TJAP1: variants seen among roughly 807,000 people sequenced by gnomAD.
TJAP1 encodes the protein tight junction associated protein 1.
In TJAP1, 27 loss-of-function variants were observed where a neutral mutation model predicts 42.0. The observed-to-expected ratio is 0.64, with a 90% confidence interval of 0.47 to 0.89. The LOEUF is 0.89. Among genes scored for constraint, TJAP1 ranks in the 40% least tolerant of loss-of-function variants. The probability of loss-of-function intolerance (pLI) is 0.00; values close to 1 mark genes in which losing one functional copy is unlikely to be tolerated. For synonymous variants in TJAP1, 257 were observed against 288.4 expected (o/e 0.89, Z 1.10); for missense variants, 712 against 726.9 (o/e 0.98, Z 0.24).
At chr6:43,485,558 A>G (rs1407852156) in intron 2 of TJAP1, among the ~76,000 whole-genome samples, 1 of 152,080 alleles carries the variant, frequency 6.6e-6, no homozygotes, top group Non-Finnish European at 1.5e-5. Flanking sequence ...TGGTCCTTAA[A>G]CCCTTGTCCC....
chr6:43,502,229 G>A (rs1791078598), intron 6 of TJAP1, 54 bp from the exon 7 acceptor site: 2 of 1,587,860 alleles, frequency 1.3e-6, no homozygotes, highest in South Asian at 1.1e-5. Flanking sequence ...GCTGAACAGA[G>A]CCTGAAGAAC....
chr6:43,483,717 T>G (rs1189077093), intron 2 of TJAP1, among the ~76,000 whole-genome samples: 1 of 152,208 alleles, frequency 6.6e-6, no homozygotes, highest in East Asian at 1.9e-4. Context: ...CTGTGCAACT[T>G]TGGGCAAGTT....
At chr6:43,480,730 G>T (rs1195171539) in intron 2 of TJAP1, among the ~76,000 whole-genome samples, 1 of 152,164 alleles carries the variant, frequency 6.6e-6, no homozygotes, top group Non-Finnish European at 1.5e-5. Flanking sequence ...TGGTCATGCT[G>T]GTGTCAAACT....
intron 4 of TJAP1, among the ~76,000 whole-genome samples, chr6:43,499,649 A>T (rs1254982532): frequency 6.6e-6 from 1 of 152,264 alleles, no homozygotes; most frequent in African/African-American, 2.4e-5. Flanking sequence ...GTCAGCTGCA[A>T]AACATTGGCT....
Position 43,502,632 on chromosome 6 carries a change from T to C in TJAP1, c.387+15T>C. On this transcript the variant is annotated intron_variant, in intron 8 of 10. Transcript: ENST00000372449. ...GGATTTTTGCAGTTGCGTCTGAGTT[T>C]GTGTGTCTTCTCCCTTGCCCTGGCC... The C allele has an allele frequency of 6.4e-7, 1 of 1,551,494 alleles. No homozygotes were observed. Among genetic ancestry groups the C allele is most frequent in the Non-Finnish European group, 8.7e-7 (1 of 1,146,722 alleles).
intron 2 of TJAP1, among the ~76,000 whole-genome samples, chr6:43,496,772 G>T (rs1789267808): frequency 6.6e-6 from 1 of 152,252 alleles, no homozygotes; most frequent in African/African-American, 2.4e-5. Flanking sequence ...GATGGGGGCG[G>T]GAAGAGATTG....
intron 2 of TJAP1, among the ~76,000 whole-genome samples, chr6:43,480,607 C>T (rs1785114860): frequency 1.3e-5 from 2 of 152,186 alleles, no homozygotes; most frequent in Admixed American, 6.5e-5. Flanking sequence ...CGCCGCCTCC[C>T]AGGTTGAAGT....
chr6:43,478,048 A>G (rs1038032085), intron 1 of TJAP1, 39 bp from the exon 2 acceptor site: 4 of 152,272 alleles, frequency 2.6e-5, no homozygotes, highest in African/African-American at 9.7e-5. Flanking sequence ...CAGATCTGCT[A>G]AGGAGGGAAC....
chr6:43,499,067 T>G, exon 4 of TJAP1: 2 of 1,613,958 alleles, frequency 1.2e-6, no homozygotes, highest in Non-Finnish European at 1.7e-6. Context: ...GGGAGCTGCG[T>G]TTGGAAATTC....
chr6:43,501,755 CACA>C (rs1790660678), intron 6 of TJAP1, 68 bp downstream of exon 6: 1 of 648,950 alleles, frequency 1.5e-6, no homozygotes, highest in Non-Finnish European at 2.8e-6. Flanking sequence ...CACACACACA[CACA>C]CTCTCTCTGT....
chr6:43,502,104 T>C (rs1029710669), intron 6 of TJAP1, among the ~76,000 whole-genome samples, 179 bp from the exon 7 acceptor site: 1 of 150,342 alleles, frequency 6.7e-6, no homozygotes, highest in Non-Finnish European at 1.5e-5. Context: ...TCTCTCTCTC[T>C]CTCTCTCCTT....
At chr6:43,503,691 C>T (rs1561828469) in exon 10 of TJAP1, 2 of 1,614,132 alleles carry the variant, frequency 1.2e-6, no homozygotes, top group East Asian at 2.2e-5. Flanking sequence ...ACTTCCGAAA[C>T]CACAAGTTTG....
At chr6:43,489,018 G>A (rs538499938) in intron 2 of TJAP1, among the ~76,000 whole-genome samples, 15 of 152,284 alleles carry the variant, frequency 9.9e-5, no homozygotes, top group African/African-American at 3.4e-4. Flanking sequence ...TCCTAGAACA[G>A]GAGAGAGGAC....
chr6:43,504,878 G>T (rs1393517601), exon 11 of TJAP1: 1 of 1,614,048 alleles, frequency 6.2e-7, no homozygotes, highest in Non-Finnish European at 8.5e-7. Flanking sequence ...CTCAGTCATT[G>T]CCCGAGTGTT....
exon 11 of TJAP1, chr6:43,506,459 C>T (rs1792385432): frequency 1.3e-5 from 2 of 152,776 alleles, no homozygotes; most frequent in Non-Finnish European, 2.9e-5. Flanking sequence ...GCCTGGCCCC[C>T]ACTCCCAACC....
intron 2 of TJAP1, among the ~76,000 whole-genome samples, chr6:43,479,050 A>G (rs1388905866): frequency 6.6e-6 from 1 of 152,198 alleles, no homozygotes; most frequent in African/African-American, 2.4e-5. Flanking sequence ...TCAGTAGCCA[A>G]ACTAAGCATG....
exon 4 of TJAP1, chr6:43,498,982 A>G (rs773516929): frequency 9.3e-6 from 15 of 1,612,716 alleles, no homozygotes; most frequent in Admixed American, 5.0e-5. Flanking sequence ...CAGCAGGCGG[A>G]GGAGCCGTCA....
chr6:43,491,185 G>A lies in TJAP1; in HGVS notation c.-121-6696G>A, dbSNP rs1047039567. 1.3e-5 allele frequency among the ~76,000 whole-genome samples: 2 copies of A among 152,110 alleles called. No homozygotes were observed. Among genetic ancestry groups the A allele is most frequent in the Non-Finnish European group, 2.9e-5 (2 of 68,014 alleles). On this transcript the variant is annotated intron_variant, in intron 2 of 10. Coordinates refer to ENST00000372449, the Ensembl canonical transcript of TJAP1. The surrounding 1 kb of genome is among the most constrained non-coding windows in gnomAD (Gnocchi z 4.6). ...AGAGGGTGTGTTATGGGCCCGGAGC[G>A]AGGAGGATAGCACTCCTGAGCGGGA...
At chr6:43,501,901 ACACACACACACACACACACACACACACT>A (rs1790796117) in intron 6 of TJAP1, among the ~76,000 whole-genome samples, 1 of 113,026 alleles carries the variant, frequency 8.8e-6, no homozygotes, top group Non-Finnish European at 1.9e-5. Context: ...CCACACACAC[ACACACACACACACACACACACACACACT>A]CTCTCTCTCT....
Sources: gnomAD v4.1 joint callset for allele counts (sites outside exome capture counted in the v4.1 genomes callset) on GRCh38, gnomAD v4.1.1 for gene constraint, Gnocchi (gnomAD v3.1) non-coding constraint, MANE v1.5 for transcripts, NCBI Gene and HGNC (gene_info 2026-07-23, HGNC 2026-07-21) for gene names.